MACROD2: variants seen among roughly 807,000 people sequenced by gnomAD.
MACROD2 encodes mono-ADP ribosylhydrolase 2, also known as ADP-ribose glycohydrolase MACROD2.
Under a neutral mutation model 70.4 loss-of-function variants are expected in MACROD2, and 36 were observed. The observed-to-expected ratio is 0.51, with a 90% CI of 0.39 to 0.68. MACROD2 has a LOEUF of 0.68. MACROD2 is among the 30% of genes least tolerant of loss of function. MACROD2 has a pLI of 0.00. For missense variants in MACROD2, 496 were observed against 538.4 expected, an observed-to-expected ratio of 0.92 and a Z score of 0.78; for synonymous variants, 172 against 178.8, an observed-to-expected ratio of 0.96 and a Z score of 0.30.
intron 8 of MACROD2, among the ~76,000 whole-genome samples, chr20:15,548,158 A>G (rs1179561643): frequency 6.6e-6 from 1 of 152,192 alleles, no homozygotes; most frequent in Non-Finnish European, 1.5e-5. Flanking sequence ...TTTTGGAAAC[A>G]GTTTTGGAAC....
chr20:15,393,264 GA>G (rs2045816452), intron 6 of MACROD2, among the ~76,000 whole-genome samples: 1 of 152,154 alleles, frequency 6.6e-6, no homozygotes, highest in Admixed American at 6.5e-5. Flanking sequence ...AGGTTGATTG[GA>G]ATGAGTGTGT....
chr20:14,625,098 G>A (rs562330338), intron 4 of MACROD2, among the ~76,000 whole-genome samples: 2 of 152,182 alleles, frequency 1.3e-5, no homozygotes, highest in South Asian at 2.1e-4. Context: ...GGGAGGCTGA[G>A]GTGGGTGGAT....
chr20:14,923,705 C>T (rs2074191416), intron 5 of MACROD2, among the ~76,000 whole-genome samples: 1 of 150,688 alleles, frequency 6.6e-6, no homozygotes, highest in Non-Finnish European at 1.5e-5. Flanking sequence ...GTTGAAATAT[C>T]TAAGATAGGT....
At chr20:15,459,660 T>C (rs2046781400) in intron 7 of MACROD2, among the ~76,000 whole-genome samples, 1 of 152,074 alleles carries the variant, frequency 6.6e-6, no homozygotes, top group South Asian at 2.1e-4. Context: ...ATGAAGTTAG[T>C]AGGGGTCTTC....
At chr20:15,021,653 C>T (rs2075186594) in intron 5 of MACROD2, 1 of 151,750 alleles carries the variant, frequency 6.6e-6, no homozygotes, top group African/African-American at 2.4e-5. Flanking sequence ...GTTGCCAAAG[C>T]AAGCACAAGA....
At chr20:14,314,999 C>A (rs6033941) in intron 3 of MACROD2, among the ~76,000 whole-genome samples, 100,447 of 151,932 alleles carry the variant, frequency 0.66, 33,995 homozygotes, top group Non-Finnish European at 0.73. Context: ...CTGTCTAATT[C>A]AAAGATAATG....
At chr20:15,890,819 T>A (rs2064879738) in intron 10 of MACROD2, among the ~76,000 whole-genome samples, 1 of 152,166 alleles carries the variant, frequency 6.6e-6, no homozygotes, top group Non-Finnish European at 1.5e-5. Context: ...AATTTTAGAA[T>A]CCTGGCACGA....
At chr20:14,042,865 G>A (rs2053412639) in intron 2 of MACROD2, among the ~76,000 whole-genome samples, 1 of 151,630 alleles carries the variant, frequency 6.6e-6, no homozygotes, top group Non-Finnish European at 1.5e-5. Flanking sequence ...TGAGGGTTCA[G>A]TCTCACAAAA....
intron 3 of MACROD2, among the ~76,000 whole-genome samples, chr20:14,142,827 T>A (rs1378084512): frequency 6.6e-6 from 1 of 152,186 alleles, no homozygotes; most frequent in East Asian, 1.9e-4. Flanking sequence ...TATGAATAAA[T>A]GTTATCTGAG....
intron 10 of MACROD2, among the ~76,000 whole-genome samples, chr20:15,930,665 T>C (rs1339132233): frequency 3.3e-5 from 5 of 152,140 alleles, no homozygotes; most frequent in Non-Finnish European, 5.9e-5. Flanking sequence ...ATACTGCAAA[T>C]AGAAAACAGT....
intron 5 of MACROD2, among the ~76,000 whole-genome samples, chr20:14,737,406 G>A (rs1424464916): frequency 1.3e-5 from 2 of 152,078 alleles, no homozygotes; most frequent in Non-Finnish European, 2.9e-5. Context: ...TAGTGCTGCA[G>A]TAAACATACA....
chr20:15,006,141 A>ATG (rs11473589), intron 5 of MACROD2, among the ~76,000 whole-genome samples: 11,773 of 134,150 alleles, frequency 0.088, 545 homozygotes, highest in East Asian at 0.13. Context: ...ATATATATAT[A>ATG]TGTGTGTGTG....
intron 12 of MACROD2, among the ~76,000 whole-genome samples, chr20:15,950,838 C>G (rs1040308847): frequency 1.3e-5 from 2 of 152,146 alleles, no homozygotes; most frequent in Non-Finnish European, 2.9e-5. Context: ...GAGCCTTCAG[C>G]ATGCTAACAT....
At chr20:14,382,407 G>A (rs1046389641) in intron 3 of MACROD2, among the ~76,000 whole-genome samples, 2 of 151,796 alleles carry the variant, frequency 1.3e-5, no homozygotes, top group South Asian at 2.1e-4. Context: ...GGTGGCTCAC[G>A]CCTGTAATCC....
intron 3 of MACROD2, among the ~76,000 whole-genome samples, chr20:14,215,263 C>A (rs1304404035): frequency 2.0e-5 from 3 of 148,418 alleles, no homozygotes; most frequent in Non-Finnish European, 4.5e-5. Context: ...TATATTCCAT[C>A]ATATATATAT....
intron 3 of MACROD2, among the ~76,000 whole-genome samples, chr20:14,237,027 C>T (rs73264855): frequency 0.17 from 25,393 of 151,850 alleles, 3,095 homozygotes; most frequent in African/African-American, 0.34. Flanking sequence ...AACTTAGATT[C>T]AAGTATAGAA....
intron 4 of MACROD2, among the ~76,000 whole-genome samples, chr20:14,586,215 G>A (rs978369867): frequency 1.3e-5 from 2 of 151,838 alleles, no homozygotes; most frequent in South Asian, 4.1e-4. Context: ...GATGAAGGGC[G>A]ATGAGATACT....
intron 8 of MACROD2, among the ~76,000 whole-genome samples, chr20:15,636,505 G>A (rs911556988): frequency 6.6e-6 from 1 of 152,118 alleles, no homozygotes; most frequent in Non-Finnish European, 1.5e-5. Context: ...CAGTTAATGG[G>A]TTCGGTTTCA....
intron 3 of MACROD2, among the ~76,000 whole-genome samples, chr20:14,401,672 G>T (rs2083639312): frequency 6.6e-6 from 1 of 151,958 alleles, no homozygotes; most frequent in African/African-American, 2.4e-5. Flanking sequence ...TAAGTCCCCT[G>T]TCAACACTGA....
Sources: allele counts gnomAD v4.1 joint callset (sites outside exome capture counted in the v4.1 genomes callset), GRCh38; gene constraint gnomAD v4.1.1; transcripts MANE v1.5; gene names NCBI Gene and HGNC (gene_info 2026-07-23, HGNC 2026-07-21).